FRMD4A: variants seen among roughly 807,000 people sequenced by gnomAD.
FRMD4A encodes the protein FERM domain containing 4A, also known as FERM domain-containing protein 4A.
A neutral mutation model predicts 129.1 loss-of-function variants in FRMD4A; 29 were observed. The observed-to-expected ratio is 0.22, with a 90% confidence interval of 0.17 to 0.31. The LOEUF is 0.31. Among genes scored for constraint, FRMD4A ranks in the 10% least tolerant of loss-of-function variants. The pLI, the probability that FRMD4A is intolerant of heterozygous loss-of-function variation, is 1.00. For synonymous variants in FRMD4A, 634 were observed against 571.6 expected, an observed-to-expected ratio of 1.11 and a Z score of -1.56; for missense variants, 1,272 against 1,375.8, an observed-to-expected ratio of 0.92 and a Z score of 1.19.
chr10:14,185,648 G>T (rs570035423), intron 2 of FRMD4A, among the ~76,000 whole-genome samples: 2 of 152,176 alleles, frequency 1.3e-5, no homozygotes, highest in African/African-American at 4.8e-5. Flanking sequence ...GAGCTGCAGG[G>T]GCGGTTGTTA....
chr10:14,063,899 T>A (rs1013206930), intron 2 of FRMD4A, among the ~76,000 whole-genome samples: 4 of 152,160 alleles, frequency 2.6e-5, no homozygotes, highest in South Asian at 4.1e-4. Flanking sequence ...TTCAGCTCAC[T>A]AAAAATTAAG....
chr10:13,784,123 A>G (rs1269989227), intron 5 of FRMD4A, among the ~76,000 whole-genome samples: 1 of 152,138 alleles, frequency 6.6e-6, no homozygotes, highest in Non-Finnish European at 1.5e-5. Flanking sequence ...GGCTCTTGGA[A>G]ACTGGGTTCA....
At chr10:13,998,802 A>T (rs2095631917) in intron 2 of FRMD4A, among the ~76,000 whole-genome samples, 1 of 152,150 alleles carries the variant, frequency 6.6e-6, no homozygotes, top group African/African-American at 2.4e-5. Flanking sequence ...TGTCACTAAG[A>T]TGATTGTACT....
intron 2 of FRMD4A, among the ~76,000 whole-genome samples, chr10:13,976,443 C>T (rs1273669228): frequency 1.3e-5 from 2 of 152,142 alleles, no homozygotes; most frequent in Non-Finnish European, 2.9e-5. Context: ...CCTGCAGCTC[C>T]CACCTCCGTC....
chr10:13,869,861 C>G (rs1027403004), intron 2 of FRMD4A, among the ~76,000 whole-genome samples: 1 of 152,210 alleles, frequency 6.6e-6, no homozygotes, highest in African/African-American at 2.4e-5. Flanking sequence ...GATTTATTCA[C>G]AAGCCCTCAT....
intron 3 of FRMD4A, among the ~76,000 whole-genome samples, chr10:13,812,728 A>G (rs1238180428): frequency 6.6e-6 from 1 of 152,200 alleles, no homozygotes; most frequent in African/African-American, 2.4e-5. Flanking sequence ...AAAACCACTT[A>G]AACTGAAAGA....
At chr10:14,294,500 A>G (rs1039832249) in intron 2 of FRMD4A, among the ~76,000 whole-genome samples, 6 of 152,228 alleles carry the variant, frequency 3.9e-5, no homozygotes, top group African/African-American at 1.4e-4. Flanking sequence ...GACCCTCACT[A>G]TAGGCGTTAT....
At chr10:13,791,562 A>C (rs971519509) in intron 5 of FRMD4A, among the ~76,000 whole-genome samples, 2 of 152,148 alleles carry the variant, frequency 1.3e-5, no homozygotes, top group African/African-American at 4.8e-5. Context: ...GAATTGGCCA[A>C]AAAATAGGAC....
intron 9 of FRMD4A, 85 bp from the exon 10 acceptor site, chr10:13,740,662 A>T (rs1245609198): frequency 1.4e-6 from 1 of 734,556 alleles, no homozygotes; most frequent in Non-Finnish European, 2.4e-6. Context: ...TCTCAGCCCC[A>T]TCTCATAAGA....
chr10:13,909,461 T>C (rs1034530875), intron 2 of FRMD4A, among the ~76,000 whole-genome samples: 2 of 152,236 alleles, frequency 1.3e-5, no homozygotes, highest in African/African-American at 4.8e-5. Context: ...ACCTTTGCAA[T>C]TGCAATAATT....
At chr10:14,266,353 A>G (rs1844978113) in intron 2 of FRMD4A, among the ~76,000 whole-genome samples, 1 of 152,178 alleles carries the variant, frequency 6.6e-6, no homozygotes, top group African/African-American at 2.4e-5. Flanking sequence ...TCCCCCAAGT[A>G]CTTTTTCCCA....
At chr10:13,948,587 G>T (rs187702490) in intron 2 of FRMD4A, among the ~76,000 whole-genome samples, 1 of 151,820 alleles carries the variant, frequency 6.6e-6, no homozygotes, top group Non-Finnish European at 1.5e-5. Flanking sequence ...TGGGCAAAAA[G>T]GGTCTGAGCA....
chr10:14,127,688 A>G (rs1838921970), intron 2 of FRMD4A, among the ~76,000 whole-genome samples: 1 of 152,156 alleles, frequency 6.6e-6, no homozygotes, highest in Admixed American at 6.5e-5. Context: ...GTTCCTGACT[A>G]TATCCCCACT....
chr10:14,141,335 C>G (rs1258788899), intron 2 of FRMD4A, among the ~76,000 whole-genome samples: 1 of 152,142 alleles, frequency 6.6e-6, no homozygotes, highest in Non-Finnish European at 1.5e-5. Context: ...TTTTACAGGT[C>G]AGAAAATGAG....
intron 18 of FRMD4A, among the ~76,000 whole-genome samples, chr10:13,665,000 A>G (rs1272434298): frequency 6.6e-6 from 1 of 152,176 alleles, no homozygotes; most frequent in Non-Finnish European, 1.5e-5. Context: ...CTCCTGCCTC[A>G]GCCTCCTGAA....
intron 2 of FRMD4A, among the ~76,000 whole-genome samples, chr10:13,883,335 C>CA (rs1335473084): frequency 2.0e-5 from 3 of 151,724 alleles, no homozygotes; most frequent in African/African-American, 7.3e-5. Flanking sequence ...ACTAAAAATA[C>CA]AAAAAAATTA....
chr10:14,062,662 T>G (rs538439529), intron 2 of FRMD4A, among the ~76,000 whole-genome samples: 6 of 152,330 alleles, frequency 3.9e-5, no homozygotes, highest in Admixed American at 3.3e-4. Context: ...CAGCTGCAAG[T>G]TACAGAATTC....
chr10:13,807,477 C>CT (rs2093375037), intron 4 of FRMD4A, among the ~76,000 whole-genome samples: 1 of 152,126 alleles, frequency 6.6e-6, no homozygotes, highest in African/African-American at 2.4e-5. Context: ...TGCAATTCTT[C>CT]TTTAAGTCTA....
chr10:13,934,482 T>A (rs2095231957), intron 2 of FRMD4A, among the ~76,000 whole-genome samples: 1 of 150,590 alleles, frequency 6.6e-6, no homozygotes, highest in Non-Finnish European at 1.5e-5. Flanking sequence ...TTTTTTTTTT[T>A]AAATGGAGAT....
Sources: allele counts gnomAD v4.1 joint callset (sites outside exome capture counted in the v4.1 genomes callset), GRCh38; gene constraint gnomAD v4.1.1; transcripts MANE v1.5; gene names NCBI Gene and HGNC (gene_info 2026-07-23, HGNC 2026-07-21).